The following BRAF variants were observed in gnomAD, a reference collection of about 807,000 sequenced individuals.
The protein encoded by BRAF is serine/threonine-protein kinase B-raf.
Under a neutral mutation model 104.6 loss-of-function variants are expected in BRAF, and 16 were observed. The ratio of observed to expected loss-of-function variants is 0.15; its 90% CI spans 0.10 to 0.23. The LOEUF (loss-of-function observed/expected upper bound fraction) is 0.23, where lower values mean the gene tolerates loss of function less well. Ranked by LOEUF, BRAF falls within the 10% of genes least tolerant of loss-of-function variation. The pLI is 1.00. For missense variants in BRAF, 541 were observed against 937.3 expected, an observed-to-expected ratio of 0.58 and a Z score of 5.52; for synonymous variants, 310 against 341.6, an observed-to-expected ratio of 0.91 and a Z score of 1.02.
chr7:140,902,744 C>T (rs1482755989), intron 1 of BRAF, among the ~76,000 whole-genome samples: 1 of 152,016 alleles, frequency 6.6e-6, no homozygotes, highest in East Asian at 1.9e-4. Flanking sequence ...ACCAGCCTAG[C>T]CAACACAGTG....
At chr7:140,919,515 GT>G (rs1455873175) in intron 1 of BRAF, among the ~76,000 whole-genome samples, 8 of 151,902 alleles carry the variant, frequency 5.3e-5, no homozygotes, top group African/African-American at 1.9e-4. Flanking sequence ...ATCTCAGAGG[GT>G]AGGGGGGAAA....
chr7:140,752,103 AAAT>A (rs1223090577), intron 16 of BRAF, among the ~76,000 whole-genome samples: 2 of 152,358 alleles, frequency 1.3e-5, no homozygotes, highest in Admixed American at 6.5e-5. Flanking sequence ...TTAACTACTA[AAAT>A]AATAACAAGT....
At chr7:140,753,150 C>T (rs2128997826) in intron 16 of BRAF, 125 bp downstream of exon 15, 1 of 732,772 alleles carries the variant, frequency 1.4e-6, no homozygotes, top group Admixed American at 2.2e-5. Flanking sequence ...AATAAGAACA[C>T]TGATTTTTGT....
In BRAF at chr7:140,924,695, C is replaced by G; in HGVS notation, c.9G>C (p.Ala3=). The G allele has an allele frequency of 9.3e-7, 1 of 1,074,834 alleles. No homozygotes were observed. Among genetic ancestry groups the G allele is most frequent in the Non-Finnish European group, 1.4e-6 (1 of 739,578 alleles). The allele number at this position is 1,074,834 out of a possible 1,614,324, so 66.6% of individuals were successfully genotyped here. A position where few individuals can be genotyped will look rare whatever the true frequency, so the allele number is the denominator to read the frequency against. MA[A]LSGGGGGGAE... is the part of the protein sequence containing the mutation. ...CGCCGCCACCACCGCCACCGCTCAG[C>G]GCCGCCATCTTATAACCGAGAGCCG... Residue 3 remains alanine, a synonymous_variant, in exon 1 of 20, where the codon GCG becomes GCC. Coordinates refer to ENST00000644969, the MANE Select transcript of BRAF (RefSeq NM_001374258.1). The surrounding 1 kb of genome is among the most constrained non-coding windows in gnomAD (Gnocchi z 4.2).
At chr7:140,897,493 C>CTTT (rs1177553423) in intron 1 of BRAF, among the ~76,000 whole-genome samples, 34 of 105,724 alleles carry the variant, frequency 3.2e-4, no homozygotes, top group Admixed American at 4.8e-4. Flanking sequence ...TTTCTTTTTT[C>CTTT]TTTTTTTTTT....
intron 1 of BRAF, among the ~76,000 whole-genome samples, chr7:140,883,798 T>C (rs1813212904): frequency 6.6e-6 from 1 of 152,366 alleles, no homozygotes; most frequent in East Asian, 1.9e-4. Flanking sequence ...TTATGGATTG[T>C]CTCTGTTCTG....
chr7:140,924,583 G>C lies in BRAF; in HGVS notation c.121C>G (p.Pro41Ala). 1 of 1,531,234 alleles carries C rather than the reference G, an allele frequency of 6.5e-7. No individual in the cohort carries two copies. Among genetic ancestry groups the C allele is most frequent in the South Asian group, 1.2e-5 (1 of 83,932 alleles). 94.9% of individuals were successfully genotyped at this position (1,531,234 alleles called of 1,614,324 possible). Residue 41 changes from proline (P) to alanine (A), a missense_variant, in exon 1 of 20, where the codon CCT becomes GCT. Around this residue, in one of 10 missense-constraint regions of BRAF, gnomAD observed 82 missense variants for 65.9 expected, o/e 1.24. Transcript: ENST00000644969. The surrounding 1 kb of genome is among the most constrained non-coding windows in gnomAD (Gnocchi z 4.2). ...GCACTCACCTCCTCCGGAATGGCAGGGTCCGCAGCCGAAGAGGCCGCGGCG... is the reference window on the plus strand; with the variant it reads ...GCACTCACCTCCTCCGGAATGGCAGCGTCCGCAGCCGAAGAGGCCGCGGCG... Reference protein sequence around the residue: ...AGAAASSAADPAIPEEVWNIK... With the variant: ...AGAAASSAADAAIPEEVWNIK...
intron 14 of BRAF, among the ~76,000 whole-genome samples, chr7:140,769,819 A>C (rs1799670206): frequency 6.6e-6 from 1 of 152,012 alleles, no homozygotes; most frequent in African/African-American, 2.4e-5. Flanking sequence ...AAGTGATCCT[A>C]TTACCCTAGT....
chr7:140,810,366 C>G (rs1302088498), intron 3 of BRAF, among the ~76,000 whole-genome samples: 1 of 152,110 alleles, frequency 6.6e-6, no homozygotes, highest in Non-Finnish European at 1.5e-5. Flanking sequence ...GTCAGGAGTT[C>G]GAGACCAGCT....
chr7:140,920,272 T>C (rs1317987461), intron 1 of BRAF, among the ~76,000 whole-genome samples: 2 of 152,122 alleles, frequency 1.3e-5, no homozygotes, highest in Non-Finnish European at 1.5e-5. Flanking sequence ...AGAAACAAAA[T>C]GCACTTCTGC....
intron 1 of BRAF, among the ~76,000 whole-genome samples, chr7:140,918,668 C>A (rs1229450802): frequency 3.3e-5 from 5 of 151,966 alleles, no homozygotes. Flanking sequence ...TTGTGACCGG[C>A]AGAAAAAAAG....
chr7:140,847,844 G>A (rs1349469277), intron 2 of BRAF, among the ~76,000 whole-genome samples: 1 of 151,992 alleles, frequency 6.6e-6, no homozygotes, highest in Non-Finnish European at 1.5e-5. Flanking sequence ...ATGACTCCAT[G>A]GCTCATCGTA....
At chr7:140,888,629 A>G (rs1586555399) in intron 1 of BRAF, among the ~76,000 whole-genome samples, 1 of 152,064 alleles carries the variant, frequency 6.6e-6, no homozygotes, top group African/African-American at 2.4e-5. Flanking sequence ...TGAGGTTGGG[A>G]GTTCGAGACC....
intron 14 of BRAF, among the ~76,000 whole-genome samples, chr7:140,763,803 C>G (rs1799033306): frequency 6.6e-6 from 1 of 152,166 alleles, no homozygotes; most frequent in African/African-American, 2.4e-5. Flanking sequence ...TGGCAGTAAT[C>G]AATAGCTTAC....
chr7:140,756,221 A>T (rs1459102137), intron 14 of BRAF, among the ~76,000 whole-genome samples: 1 of 152,220 alleles, frequency 6.6e-6, no homozygotes, highest in Non-Finnish European at 1.5e-5. Flanking sequence ...GTTGCATAAA[A>T]ATACAACCTG....
intron 7 of BRAF, among the ~76,000 whole-genome samples, chr7:140,795,798 C>T (rs58554741): frequency 0.084 from 12,799 of 152,098 alleles, 1,696 homozygotes; most frequent in African/African-American, 0.29. Context: ...AAATTGGTAT[C>T]GGCTCAATGA....
chr7:140,721,936 C>G lies in BRAF; in HGVS notation c.*4558G>C. On this transcript the variant is annotated 3_prime_UTR_variant, in exon 20 of 20. Transcript: ENST00000644969. ...ATTTACATTTCAAACTCTGAAAAATCAGTGTCTAGGTTGGCAGCAGTACTC... is the reference window on the plus strand; with the variant it reads ...ATTTACATTTCAAACTCTGAAAAATGAGTGTCTAGGTTGGCAGCAGTACTC... The G allele has an allele frequency of 7.9e-7, 1 of 1,259,260 alleles. No homozygotes were observed. Among genetic ancestry groups the G allele is most frequent in the Non-Finnish European group, 1.0e-6 (1 of 1,004,492 alleles). The allele number at this position is 1,259,260 out of a possible 1,614,324, so 78.0% of individuals were successfully genotyped here. A position where few individuals can be genotyped will look rare whatever the true frequency, so the allele number is the denominator to read the frequency against.
At chr7:140,730,624 A>G (rs990602286) in intron 19 of BRAF, 41 bp downstream of exon 18, 9 of 152,004 alleles carry the variant, frequency 5.9e-5, no homozygotes, top group Admixed American at 5.2e-4. Context: ...TCAGCCTCCC[A>G]AAGTGCTGGG....
At chr7:140,913,295 G>A (rs1445042866) in intron 1 of BRAF, among the ~76,000 whole-genome samples, 1 of 152,000 alleles carries the variant, frequency 6.6e-6, no homozygotes, top group Non-Finnish European at 1.5e-5. Flanking sequence ...CATAAGGGTA[G>A]AGACCTTTGT....
Sources: allele counts gnomAD v4.1 joint callset (sites outside exome capture counted in the v4.1 genomes callset), GRCh38; gene constraint gnomAD v4.1.1; regional missense constraint gnomAD v4.1.1; non-coding constraint Gnocchi (gnomAD v3.1); transcripts MANE v1.5; gene names NCBI Gene and HGNC (gene_info 2026-07-23, HGNC 2026-07-21).